Variants in FBLN1 observed in about 807,000 individuals in gnomAD.
FBLN1 encodes the protein fibulin-1.
A neutral mutation model predicts 89.7 loss-of-function variants in FBLN1; 34 were observed. The observed-to-expected ratio is 0.38, with a 90% CI of 0.29 to 0.50. FBLN1 has a LOEUF of 0.50. Among genes scored for constraint, FBLN1 ranks in the 20% least tolerant of loss-of-function variants. The pLI is 0.92. For missense variants in FBLN1, 777 were observed against 988.1 expected (o/e 0.79, Z 2.86); for synonymous variants, 393 against 391.3 (o/e 1.00, Z -0.05).
At chr22:45,568,490 T>TTCTGTAGGGCATGCTC (rs1398640825) in intron 14 of FBLN1, among the ~76,000 whole-genome samples, 2 of 84,676 alleles carry the variant, frequency 2.4e-5, no homozygotes, top group African/African-American at 6.1e-5. Context: ...GGGGAATGCC[T>TTCTGTAGGGCATGCTC]CTTCTGTAGG....
intron 14 of FBLN1, chr22:45,565,156 G>A: frequency 1.9e-6 from 3 of 1,570,750 alleles, no homozygotes; most frequent in South Asian, 1.1e-5. Flanking sequence ...CTCCCATGTT[G>A]TAGTACATTC....
At position 45,578,831 on chromosome 22, in the gene FBLN1, G is replaced by A. The variant is rs1372332194; in HGVS notation, c.1972+1723G>A. Among the ~76,000 whole-genome samples, 3 of 152,190 alleles carry A rather than the reference G, an allele frequency of 2.0e-5. No homozygotes were observed. The highest frequency in any genetic ancestry group is 1.3e-4 in the Admixed American group (2 of 15,288). ...TCTAGTTCACTCACTCATTCTTTCCGTTTCTGAACCCTTCTTGAGCCTCTA... is the reference window on the plus strand; with the variant it reads ...TCTAGTTCACTCACTCATTCTTTCCATTTCTGAACCCTTCTTGAGCCTCTA... On this transcript the variant is annotated intron_variant, in intron 16 of 16. Coordinates refer to ENST00000327858, the MANE Select transcript of FBLN1 (RefSeq NM_006486.3). This position sits in a 1 kb window ranked among gnomAD's most constrained non-coding sequence, Gnocchi z 4.6.
At chr22:45,591,530 AGAAATACG>A (rs965178534) in intron 16 of FBLN1, among the ~76,000 whole-genome samples, 2 of 152,168 alleles carry the variant, frequency 1.3e-5, no homozygotes, top group African/African-American at 4.8e-5. Context: ...ATAACCATCA[AGAAATACG>A]GATGATGAGT....
At chr22:45,527,318 C>T (rs1289122438) in intron 3 of FBLN1, among the ~76,000 whole-genome samples, 3 of 152,210 alleles carry the variant, frequency 2.0e-5, no homozygotes, top group Non-Finnish European at 4.4e-5. Context: ...GTCCTTTGAC[C>T]TTGCTTGATG....
At chr22:45,527,814 T>C (rs956969837) in intron 3 of FBLN1, 33 bp from the exon 4 acceptor site, 3 of 1,612,534 alleles carry the variant, frequency 1.9e-6, no homozygotes, top group Non-Finnish European at 2.5e-6. Context: ...GTCTGCCCGC[T>C]CCTCCATCTG....
At chr22:45,535,812 G>T (rs9614692) in intron 8 of FBLN1, among the ~76,000 whole-genome samples, 16,198 of 152,262 alleles carry the variant, frequency 0.11, 1,115 homozygotes, top group Non-Finnish European at 0.15. Flanking sequence ...GAGTACTTGC[G>T]AAGTACTGGT....
Position 45,564,977 on chromosome 22 carries a change from C to A in FBLN1, c.1698-9534C>A, listed in dbSNP as rs755344602. 8.7e-6 allele frequency: 14 copies of A among 1,613,836 alleles called. No homozygotes were observed. In the East Asian group the frequency reaches 2.5e-4, roughly 28 times the overall value. Reference sequence around the variant, plus strand: ...CATGGAAGCAGGGGTTGGAGGATACCCACCTTGATGCCTAGTGAGGAAGAT... The same window carrying A: ...CATGGAAGCAGGGGTTGGAGGATACACACCTTGATGCCTAGTGAGGAAGAT... On this transcript the variant is annotated intron_variant, in intron 14 of 16. Coordinates refer to ENST00000327858, the MANE Select transcript of FBLN1 (RefSeq NM_006486.3).
At chr22:45,596,516 A>G (rs1364469577) in intron 16 of FBLN1, among the ~76,000 whole-genome samples, 2 of 151,836 alleles carry the variant, frequency 1.3e-5, no homozygotes, top group Non-Finnish European at 2.9e-5. Context: ...GTGTGTATTT[A>G]AATATAGACA....
At position 45,562,400 on chromosome 22, in the gene FBLN1, C is replaced by T. The variant is rs553209436; in HGVS notation, c.1697+11785C>T. 1.1e-4 allele frequency among the ~76,000 whole-genome samples: 16 copies of T among 152,338 alleles called. No homozygotes were observed. Among genetic ancestry groups the T allele is most frequent in the Admixed American group, 4.6e-4 (7 of 15,304 alleles). On this transcript the variant is annotated intron_variant, in intron 14 of 16. Transcript: ENST00000327858. The surrounding 1 kb of genome is among the most constrained non-coding windows in gnomAD (Gnocchi z 7.8). ...AGTGTCCTCATGTGAAAAATATCAC[C>T]GAAGCCACTGTCATGGGGTGGTGGC...
chr22:45,533,814 A>G lies in FBLN1; in HGVS notation c.700A>G (p.Ile234Val), dbSNP rs140981949. 1.2e-6 allele frequency: 2 copies of G among 1,613,838 alleles called. No homozygotes were observed. Among genetic ancestry groups the G allele is most frequent in the African/African-American group, 2.7e-5 (2 of 74,952 alleles). ...SHSCRLGESC[I>V]NTVGSFRCQR... ...CAGCTGCCGGCTTGGAGAATCCTGC[A>G]TCAACACAGTGGGCTCTTTCCGCTG... Residue 234 changes from isoleucine to valine, a missense_variant, in exon 7 of 17, where the codon ATC (isoleucine) becomes GTC (valine). Ile to Val is a conservative substitution (Grantham distance 29). Transcript: ENST00000327858.
chr22:45,514,848 A>G (rs1405365871), intron 1 of FBLN1, among the ~76,000 whole-genome samples: 2 of 152,202 alleles, frequency 1.3e-5, no homozygotes, highest in East Asian at 3.8e-4. Flanking sequence ...GGAGGCTGCC[A>G]GGACTGAGCC....
chr22:45,550,741 A>G lies in FBLN1; in HGVS notation c.1697+126A>G. The G allele has an allele frequency of 7.4e-7, 1 of 1,352,444 alleles. No homozygotes were observed. The highest frequency in any genetic ancestry group is 2.3e-4 in the Middle Eastern group (1 of 4,404). 83.8% of individuals were successfully genotyped at this position (1,352,444 alleles called of 1,614,324 possible). On this transcript the variant is annotated intron_variant, in intron 14 of 16. Coordinates refer to ENST00000327858, the MANE Select transcript of FBLN1 (RefSeq NM_006486.3). This position sits in a 1 kb window ranked among gnomAD's most constrained non-coding sequence, Gnocchi z 8.4. ...TCCCATGAGGGACTCAGGGCACTCA[A>G]AGATCACCTGATCCCTGGCCCTCAA...
chr22:45,559,342 G>A (rs964981622), intron 14 of FBLN1, among the ~76,000 whole-genome samples: 1 of 152,198 alleles, frequency 6.6e-6, no homozygotes, highest in African/African-American at 2.4e-5. Context: ...AGTTGAACCG[G>A]GATGTGGTGG....
rs929744635 is a variant in FBLN1, at chr22:45,557,469, G to A, written c.1697+6854G>A. Among the ~76,000 whole-genome samples the A allele has an allele frequency of 2.6e-5, 4 of 152,194 alleles. No individual in the cohort carries two copies. The highest frequency in any genetic ancestry group is 9.7e-5 in the African/African-American group (4 of 41,450). On this transcript the variant is annotated intron_variant, in intron 14 of 16. Coordinates refer to ENST00000327858, the MANE Select transcript of FBLN1 (RefSeq NM_006486.3). This position sits in a 1 kb window ranked among gnomAD's most constrained non-coding sequence, Gnocchi z 4.9. ...CTGCTACTGGCGAATTGGGTACTCA[G>A]CAGTGGCCATATCCAGGTCAGCCTT...
rs146311322 is a variant in FBLN1 at position 45,508,002 on chromosome 22, C to G, written c.79+4938C>G. 8.4e-3 allele frequency among the ~76,000 whole-genome samples: 1,280 copies of G among 152,264 alleles called. 12 individuals carry two copies. Among genetic ancestry groups the G allele is most frequent in the South Asian group, 0.017 (82 of 4,824 alleles). On this transcript the variant is annotated intron_variant, in intron 1 of 16. Transcript: ENST00000327858. ...ATAGGTTGAGGATGGAAATCCAACACCTGTGCACCCAGCATGGTCTCCCCA... is the reference window on the plus strand; with the variant it reads ...ATAGGTTGAGGATGGAAATCCAACAGCTGTGCACCCAGCATGGTCTCCCCA...
At chr22:45,573,260 TAAAG>T (rs2088965623) in intron 14 of FBLN1, among the ~76,000 whole-genome samples, 1 of 151,020 alleles carries the variant, frequency 6.6e-6, no homozygotes, top group Non-Finnish European at 1.5e-5. Context: ...GAAAAGAAAA[TAAAG>T]GAACAGAGAA....
At chr22:45,525,194 A>G (rs111597013) in intron 2 of FBLN1, among the ~76,000 whole-genome samples, 2 of 143,130 alleles carry the variant, frequency 1.4e-5, no homozygotes, top group African/African-American at 5.0e-5. Context: ...AGAGAGAGAG[A>G]GAAAGAGAGA....
chr22:45,508,010 C>T (rs2088046548), intron 1 of FBLN1, among the ~76,000 whole-genome samples: 1 of 152,168 alleles, frequency 6.6e-6, no homozygotes, highest in Admixed American at 6.5e-5. Context: ...CACCTGTGCA[C>T]CCAGCATGGT....
chr22:45,519,012 G>A (rs893795177), intron 2 of FBLN1, among the ~76,000 whole-genome samples: 1 of 151,094 alleles, frequency 6.6e-6, no homozygotes, highest in Non-Finnish European at 1.5e-5. Flanking sequence ...GATTGTCGGG[G>A]TATGTGTCTC....
Sources: allele counts gnomAD v4.1 joint callset (sites outside exome capture counted in the v4.1 genomes callset), GRCh38; gene constraint gnomAD v4.1.1; non-coding constraint Gnocchi (gnomAD v3.1); transcripts MANE v1.5; gene names NCBI Gene and HGNC (gene_info 2026-07-23, HGNC 2026-07-21).